CYB5R4: variants seen among roughly 807,000 people sequenced by gnomAD.
The protein encoded by CYB5R4 is N-terminal cytochrome b5 and cytochrome b5 oxidoreductase domain-containing protein.
In CYB5R4, 55 loss-of-function variants were observed where a neutral mutation model predicts 70.2. The ratio of observed to expected loss-of-function variants is 0.78; its 90% CI spans 0.63 to 0.98. The LOEUF (loss-of-function observed/expected upper bound fraction) is 0.98, where lower values mean the gene tolerates loss of function less well. CYB5R4 is among the 50% of genes least tolerant of loss of function. CYB5R4 has a pLI of 0.00. For missense variants in CYB5R4, 562 were observed against 612.6 expected (o/e 0.92, Z 0.87); for synonymous variants, 197 against 199.5 (o/e 0.99, Z 0.11).
chr6:83,900,628 T>A (rs1424681673), intron 3 of CYB5R4, among the ~76,000 whole-genome samples: 2 of 152,332 alleles, frequency 1.3e-5, no homozygotes, highest in East Asian at 1.9e-4. Context: ...CTCTAAGGAC[T>A]TGTTTTATGA....
rs2099473553 is a variant in CYB5R4, at chr6:83,962,928, T to C, written c.*3050T>C. ...AATTCCCTTGTGGGCTTCTTCAGCATTGGTAGATGAATCTTATGCTTTCAA... is the reference window on the plus strand; with the variant it reads ...AATTCCCTTGTGGGCTTCTTCAGCACTGGTAGATGAATCTTATGCTTTCAA... On this transcript the variant is annotated 3_prime_UTR_variant, in exon 16 of 16. Coordinates refer to ENST00000369681, the MANE Select transcript of CYB5R4 (RefSeq NM_016230.4). 1 of 152,244 alleles carries C rather than the reference T, an allele frequency of 6.6e-6. No individual in the cohort carries two copies. The highest frequency in any genetic ancestry group is 2.4e-5 in the African/African-American group (1 of 41,472). 9.4% of individuals were successfully genotyped at this position (152,244 alleles called of 1,614,324 possible). A position where few individuals can be genotyped will look rare whatever the true frequency, so the allele number is the denominator to read the frequency against.
rs148146736 is a variant in CYB5R4 at position 83,935,389 on chromosome 6, T to C, written c.955+654T>C. The stretch of plus-strand genomic sequence containing the variant: ...CTAGGTCTCAGAAGATATGATATAT[T>C]ATGATGAGGCACTGTTAAGGTTTTC... On this transcript the variant is annotated intron_variant, in intron 11 of 15. Coordinates refer to ENST00000369681, the MANE Select transcript of CYB5R4 (RefSeq NM_016230.4). Among the ~76,000 whole-genome samples the C allele has an allele frequency of 8.7e-4, 132 of 152,284 alleles. 2 individuals carry two copies. The highest frequency in any genetic ancestry group is 3.0e-3 in the African/African-American group (125 of 41,562).
rs769521610 is a variant in CYB5R4, at chr6:83,934,727, C to T, written c.947C>T (p.Pro316Leu). Reference protein sequence around the residue: ...PIGQHVYLKLPITGTEIVKPY... With the variant: ...PIGQHVYLKLLITGTEIVKPY... Reference sequence around the variant, plus strand: ...GGGCAACATGTTTACCTCAAGCTACCTATTACAGGTAAGGTGAATAGAGGC... The same window carrying T: ...GGGCAACATGTTTACCTCAAGCTACTTATTACAGGTAAGGTGAATAGAGGC... Residue 316 changes from proline (P) to leucine (L), a missense_variant, in exon 11 of 16, where the codon CCT (proline) becomes CTT (leucine). Transcript: ENST00000369681. The T allele has an allele frequency of 2.5e-6, 4 of 1,612,168 alleles. No homozygotes were observed. Among genetic ancestry groups the T allele is most frequent in the Non-Finnish European group, 3.4e-6 (4 of 1,179,234 alleles).
At chr6:83,880,608 T>C (rs1397449583) in intron 2 of CYB5R4, among the ~76,000 whole-genome samples, 2 of 152,232 alleles carry the variant, frequency 1.3e-5, no homozygotes, top group Non-Finnish European at 2.9e-5. Context: ...TTTATAATTT[T>C]TTTTTCAAAA....
chr6:83,919,463 G>A lies in CYB5R4; in HGVS notation c.564+9G>A. The stretch of plus-strand genomic sequence containing the variant: ...TATATACTAAACAGAAGGTAAATAT[G>A]TCTTTAAAATCAGAAAAGAAGAAAA... On this transcript the variant is annotated intron_variant, in intron 7 of 15. Transcript: ENST00000369681. 7.0e-7 allele frequency: 1 copy of A among 1,423,338 alleles called. No homozygotes were observed. Among genetic ancestry groups the A allele is most frequent in the Non-Finnish European group, 9.6e-7 (1 of 1,041,364 alleles). The allele number at this position is 1,423,338 out of a possible 1,614,324, so 88.2% of individuals were successfully genotyped here.
rs546204514 is a variant in CYB5R4 at position 83,963,021 on chromosome 6, A to C, written c.*3143A>C. 6.6e-6 allele frequency: 1 copy of C among 152,272 alleles called. No individual in the cohort carries two copies. The highest frequency in any genetic ancestry group is 2.1e-4 in the South Asian group (1 of 4,824). The allele number at this position is 152,272 out of a possible 1,614,324, so 9.4% of individuals were successfully genotyped here. A position where few individuals can be genotyped will look rare whatever the true frequency, so the allele number is the denominator to read the frequency against. ...AAGAGTTCACTGCTTTTAAGATCTCATGTGGTTAGATTGGACCTATCCAGA... is the reference window on the plus strand; with the variant it reads ...AAGAGTTCACTGCTTTTAAGATCTCCTGTGGTTAGATTGGACCTATCCAGA... On this transcript the variant is annotated 3_prime_UTR_variant, in exon 16 of 16. Transcript: ENST00000369681.
chr6:83,889,283 G>A (rs1221746632), intron 2 of CYB5R4, among the ~76,000 whole-genome samples: 2 of 152,162 alleles, frequency 1.3e-5, no homozygotes, highest in East Asian at 1.9e-4. Flanking sequence ...AAGATGCCAC[G>A]TAGGAATTTC....
At chr6:83,865,457 T>C (rs1473919952) in intron 2 of CYB5R4, among the ~76,000 whole-genome samples, 1 of 152,218 alleles carries the variant, frequency 6.6e-6, no homozygotes, top group South Asian at 2.1e-4. Context: ...ATTTGTTCCA[T>C]GCCTCTCACC....
chr6:83,874,110 CCTCCCCTCCCCTCCT>C (rs1459287800), intron 2 of CYB5R4, among the ~76,000 whole-genome samples: 5 of 112,300 alleles, frequency 4.5e-5, no homozygotes, highest in African/African-American at 1.5e-4. Flanking sequence ...TGCTTGCCTG[CCTCCCCTCCCCTCCT>C]CTCCCCTCCC....
chr6:83,913,331 T>C (rs2099464994), intron 4 of CYB5R4, among the ~76,000 whole-genome samples: 1 of 152,220 alleles, frequency 6.6e-6, no homozygotes, highest in South Asian at 2.1e-4. Context: ...TTAGGAAATA[T>C]TAACTCCTGG....
intron 14 of CYB5R4, among the ~76,000 whole-genome samples, chr6:83,948,578 G>A (rs529341297): frequency 6.6e-6 from 1 of 152,082 alleles, no homozygotes; most frequent in African/African-American, 2.4e-5. Flanking sequence ...TATTTCTGAT[G>A]GTTTTTTGGC....
chr6:83,919,596 A>G (rs922045246), intron 7 of CYB5R4, 142 bp downstream of exon 7: 1 of 404,984 alleles, frequency 2.5e-6, no homozygotes, highest in Non-Finnish European at 4.5e-6. Flanking sequence ...CCTTTTGTAC[A>G]GAAGAGGAAA....
intron 3 of CYB5R4, among the ~76,000 whole-genome samples, chr6:83,894,778 T>C (rs570808785): frequency 4.2e-5 from 6 of 143,646 alleles, no homozygotes; most frequent in East Asian, 4.2e-4. Context: ...GAAGAGAAAA[T>C]ATATTTATAT....
intron 13 of CYB5R4, 81 bp from the exon 14 acceptor site, chr6:83,940,434 T>A (rs1043903032): frequency 3.0e-6 from 4 of 1,323,444 alleles, no homozygotes; most frequent in Admixed American, 2.8e-5. Context: ...ACATTCACAC[T>A]GGTTCACTTT....
At chr6:83,923,536 A>G (rs146770971) in intron 9 of CYB5R4, among the ~76,000 whole-genome samples, 9 of 152,354 alleles carry the variant, frequency 5.9e-5, no homozygotes, top group Non-Finnish European at 1.3e-4. Flanking sequence ...AAAATTAAAT[A>G]TGCTTTAAAT....
intron 10 of CYB5R4, among the ~76,000 whole-genome samples, chr6:83,924,821 T>C (rs915433028): frequency 2.6e-5 from 4 of 152,206 alleles, no homozygotes; most frequent in African/African-American, 9.6e-5. Flanking sequence ...CATTACGTAA[T>C]GATACCTGAA....
At chr6:83,950,767 A>G (rs377491662) in intron 14 of CYB5R4, among the ~76,000 whole-genome samples, 1 of 152,138 alleles carries the variant, frequency 6.6e-6, no homozygotes, top group Non-Finnish European at 1.5e-5. Context: ...CCATAATCCT[A>G]CCACCCAAAG....
chr6:83,872,181 T>A (rs1260652036), intron 2 of CYB5R4, among the ~76,000 whole-genome samples: 1 of 152,260 alleles, frequency 6.6e-6, no homozygotes, highest in Non-Finnish European at 1.5e-5. Context: ...GTTGCCATTA[T>A]CTTTTTGCAC....
intron 1 of CYB5R4, among the ~76,000 whole-genome samples, chr6:83,860,175 C>T (rs575176185): frequency 6.6e-6 from 1 of 152,082 alleles, no homozygotes; most frequent in Admixed American, 6.5e-5. Flanking sequence ...TATAGGCTCT[C>T]GGTATTAGCC....
Sources: gnomAD v4.1 joint callset for allele counts (sites outside exome capture counted in the v4.1 genomes callset) on GRCh38, gnomAD v4.1.1 for gene constraint, MANE v1.5 for transcripts, NCBI Gene and HGNC (gene_info 2026-07-23, HGNC 2026-07-21) for gene names.